The following BAHCC1 variants were observed in gnomAD, a reference collection of about 807,000 sequenced individuals.
BAHCC1 encodes the protein BAH and coiled-coil domain-containing protein 1.
Under a neutral mutation model 88.2 loss-of-function variants are expected in BAHCC1, and 43 were observed. The ratio of observed to expected loss-of-function variants is 0.49; its 90% CI spans 0.38 to 0.63. The LOEUF (loss-of-function observed/expected upper bound fraction) is 0.63. BAHCC1 is among the 20% of genes least tolerant of loss of function. The pLI is 0.00. For missense variants in BAHCC1, 3,023 were observed against 1,654.8 expected (o/e 1.83, Z -14.34); for synonymous variants, 1,510 against 745.5 (o/e 2.03, Z -16.71).
chr17:81,442,061 C>T lies in BAHCC1; in HGVS notation c.712C>T (p.Arg238Trp), dbSNP rs782316191. 7.0e-6 allele frequency: 5 copies of T among 710,778 alleles called. No homozygotes were observed. The highest frequency in any genetic ancestry group is 3.0e-5 in the South Asian group (2 of 66,866). The allele number at this position is 710,778 out of a possible 1,614,324, so 44.0% of individuals were successfully genotyped here. ...KAGKAAEGKE[R>W]PAAEEDGGKE... ...GGGCAAGGCCGCTGAGGGCAAGGAG[C>T]GGCCAGCGGCAGAGGAGGACGGTGG... is the stretch of plus-strand genomic sequence containing the variant. Residue 238 changes from arginine to tryptophan, a missense_variant, in exon 5 of 28, where the codon CGG becomes TGG. Transcript: ENST00000675386.
In BAHCC1 at chr17:81,442,569, C is replaced by G. The variant is rs1487413838; in HGVS notation, c.1220C>G (p.Pro407Arg). ...GGACACCTGGCCGACAAGGGCCGCC[C>G]CTTCCAGGCCGCCGAGGCCTGTGCC... ...SVGHLADKGR[P>R]FQAAEACAVA... Residue 407 changes from proline to arginine, a missense_variant, in exon 5 of 28, where the codon CCC becomes CGC. Transcript: ENST00000675386. 11 of 757,820 alleles carry G rather than the reference C, an allele frequency of 1.5e-5. No homozygotes were observed. In the African/African-American group the frequency reaches 1.9e-4, roughly 13 times the overall value. 46.9% of individuals were successfully genotyped at this position (757,820 alleles called of 1,614,324 possible). A position where few individuals can be genotyped will look rare whatever the true frequency, so the allele number is the denominator to read the frequency against.
At chr17:81,417,427 A>T (rs1415509840) in intron 2 of BAHCC1, among the ~76,000 whole-genome samples, 1 of 151,946 alleles carries the variant, frequency 6.6e-6, no homozygotes, top group Non-Finnish European at 1.5e-5. Flanking sequence ...GGTGTGAAGA[A>T]TTGGAGAAGC....
At chr17:81,430,160 G>C (rs1248292246) in intron 3 of BAHCC1, among the ~76,000 whole-genome samples, 1 of 152,156 alleles carries the variant, frequency 6.6e-6, no homozygotes, top group East Asian at 1.9e-4. Context: ...ATGAGAGCAG[G>C]GGTGGGGGCA....
intron 10 of BAHCC1, among the ~76,000 whole-genome samples, chr17:81,446,466 G>T (rs1163856179): frequency 2.7e-5 from 4 of 149,744 alleles, no homozygotes; most frequent in Non-Finnish European, 4.4e-5. Flanking sequence ...CAGGGTTGTT[G>T]GGGGGAGCTT....
intron 2 of BAHCC1, 108 bp from the exon 3 acceptor site, chr17:81,426,692 T>C (rs2064204003): frequency 7.5e-6 from 3 of 398,220 alleles, no homozygotes; most frequent in Non-Finnish European, 1.3e-5. Flanking sequence ...TGGGGGAGAT[T>C]GGGGCCTGAG....
At chr17:81,455,803 AC>A (rs1434954009) in intron 15 of BAHCC1, among the ~76,000 whole-genome samples, 1 of 150,526 alleles carries the variant, frequency 6.6e-6, no homozygotes, top group Non-Finnish European at 1.5e-5. Context: ...CGCTGCTGGC[AC>A]CCTGTTTCTT....
At chr17:81,397,906 A>C (rs1290408314) in intron 1 of BAHCC1, among the ~76,000 whole-genome samples, 2 of 152,258 alleles carry the variant, frequency 1.3e-5, no homozygotes, top group African/African-American at 2.4e-5. Context: ...AAAGCTTATC[A>C]GCTGAGCAAA....
intron 2 of BAHCC1, among the ~76,000 whole-genome samples, chr17:81,419,233 C>T (rs1355607523): frequency 6.6e-6 from 1 of 152,232 alleles, no homozygotes; most frequent in African/African-American, 2.4e-5. Context: ...AGTGGCCTCT[C>T]ACCCCAGGCA....
At chr17:81,404,707 A>G (rs539123136) in intron 2 of BAHCC1, among the ~76,000 whole-genome samples, 12 of 152,382 alleles carry the variant, frequency 7.9e-5, no homozygotes, top group Middle Eastern at 3.4e-3. Flanking sequence ...TTCGCTGTCA[A>G]CTTACATATG....
rs2063786697 is a variant in BAHCC1 at position 81,399,592 on chromosome 17, G to C, written c.-148G>C. The C allele has an allele frequency of 2.3e-5, 11 of 486,434 alleles. No individual in the cohort carries two copies. In the Admixed American group the frequency reaches 3.1e-4, roughly 14 times the overall value. The allele number at this position is 486,434 out of a possible 1,614,324, so 30.1% of individuals were successfully genotyped here. On this transcript the variant is annotated 5_prime_UTR_variant, in exon 2 of 28. Coordinates refer to ENST00000675386, the MANE Select transcript of BAHCC1 (RefSeq NM_001377448.1). The surrounding 1 kb of genome is among the most constrained non-coding windows in gnomAD (Gnocchi z 4.5). ...GCGCGGCCGCCCGCCGAGAAGCCCA[G>C]TCCTCCCGCGTGCTGACCGGCCCCG...
chr17:81,431,532 A>G (rs2064261270), intron 3 of BAHCC1, among the ~76,000 whole-genome samples: 2 of 152,120 alleles, frequency 1.3e-5, no homozygotes, highest in African/African-American at 4.8e-5. Context: ...GCAGAACCTG[A>G]GCCCCAGGGA....
chr17:81,452,390 A>T (rs1034584989), intron 13 of BAHCC1, among the ~76,000 whole-genome samples: 13 of 126,744 alleles, frequency 1.0e-4, no homozygotes, highest in Non-Finnish European at 1.2e-4. Flanking sequence ...GTGGCGGGTG[A>T]GGGGACAGTG....
rs1413017220 is a variant in BAHCC1 at position 81,461,261 on chromosome 17, C to T, written c.6598C>T (p.Arg2200Trp). ...ERVEAEKGGRRRAGGEFLVKL... is the reference protein window; with the variant it reads ...ERVEAEKGGRWRAGGEFLVKL... ...GGTGGAGGCCGAGAAGGGTGGGCGG[C>T]GGCGGGCGGGCGGTGAGTTCCTGGT... The change falls in exon 26 of 28, where the codon CGG (arginine) becomes TGG (tryptophan). Residue 2200 changes from arginine to tryptophan, a missense_variant. Transcript: ENST00000675386. 5 of 698,156 alleles carry T rather than the reference C, an allele frequency of 7.2e-6. No homozygotes were observed. The highest frequency in any genetic ancestry group is 1.6e-5 in the South Asian group (1 of 64,500). The allele number at this position is 698,156 out of a possible 1,614,324, so 43.2% of individuals were successfully genotyped here.
rs1555652680 is a variant in BAHCC1, at chr17:81,442,170, A to G, written c.821A>G (p.Glu274Gly). 1 of 652,404 alleles carries G rather than the reference A, an allele frequency of 1.5e-6. No homozygotes were observed. Among genetic ancestry groups the G allele is most frequent in the Non-Finnish European group, 2.8e-6 (1 of 361,724 alleles). The allele number at this position is 652,404 out of a possible 1,614,324, so 40.4% of individuals were successfully genotyped here. ...EGGPAPRGAC[E>G]GRPKHLTSCL... is the part of the protein sequence containing the mutation. ...GGCCCCGCACCCCGAGGGGCCTGCGAGGGCCGCCCCAAGCACCTCACCTCC... is the reference window on the plus strand; with the variant it reads ...GGCCCCGCACCCCGAGGGGCCTGCGGGGGCCGCCCCAAGCACCTCACCTCC... The change falls in exon 5 of 28, where the codon GAG becomes GGG. Residue 274 changes from glutamate to glycine, a missense_variant. Transcript: ENST00000675386.
chr17:81,463,214 G>C (rs564516476), intron 27 of BAHCC1, among the ~76,000 whole-genome samples: 3 of 152,310 alleles, frequency 2.0e-5, no homozygotes, highest in African/African-American at 7.2e-5. Flanking sequence ...GCATCCGGCA[G>C]GTCTAGTTCA....
intron 14 of BAHCC1, 56 bp downstream of exon 14, chr17:81,452,907 G>T: frequency 1.5e-6 from 1 of 663,872 alleles, no homozygotes; most frequent in Non-Finnish European, 2.7e-6. Flanking sequence ...GGGCCCTCGA[G>T]GCTGGGGAGC....
chr17:81,462,910 G>T lies in BAHCC1; in HGVS notation c.7554G>T (p.Val2518=). Residue 2518 remains valine (V), a synonymous_variant, in exon 27 of 28, where the codon GTG becomes GTT. Coordinates refer to ENST00000675386, the MANE Select transcript of BAHCC1 (RefSeq NM_001377448.1). ...SMWESWGSNM[V]VKVKWFYHPE... ...GGGAGTCGTGGGGCAGCAACATGGT[G>T]GTCAAGGTCAAGTGGTTCTACCACC... 1.3e-6 allele frequency: 1 copy of T among 785,710 alleles called. No individual in the cohort carries two copies. The highest frequency in any genetic ancestry group is 1.3e-5 in the South Asian group (1 of 74,744). The allele number at this position is 785,710 out of a possible 1,614,324, so 48.7% of individuals were successfully genotyped here.
intron 16 of BAHCC1, 117 bp from the exon 17 acceptor site, chr17:81,457,293 G>C (rs1021592071): frequency 3.1e-6 from 2 of 646,940 alleles, no homozygotes; most frequent in Non-Finnish European, 5.6e-6. Context: ...AGAGGGTGAC[G>C]GTGACCAGCT....
intron 27 of BAHCC1, 34 bp downstream of exon 27, chr17:81,463,010 C>A (rs559004823): frequency 1.3e-6 from 1 of 766,880 alleles, no homozygotes; most frequent in Non-Finnish European, 2.4e-6. Flanking sequence ...CCCAGCCCCC[C>A]TCGGGGCCCC....
Sources: gnomAD v4.1 joint callset for allele counts (sites outside exome capture counted in the v4.1 genomes callset) on GRCh38, gnomAD v4.1.1 for gene constraint, Gnocchi (gnomAD v3.1) non-coding constraint, MANE v1.5 for transcripts, NCBI Gene and HGNC (gene_info 2026-07-23, HGNC 2026-07-21) for gene names.